CDC42BPA: variants seen among roughly 807,000 people sequenced by gnomAD.
CDC42BPA encodes serine/threonine-protein kinase MRCK alpha.
In CDC42BPA, 80 loss-of-function variants were observed where a neutral mutation model predicts 223.5. That is an observed-to-expected ratio of 0.36 (90% CI 0.30 to 0.43). The LOEUF is 0.43. Ranked by LOEUF, CDC42BPA falls within the 20% of genes least tolerant of loss-of-function variation. The pLI is 1.00. For synonymous variants in CDC42BPA, 694 were observed against 718.6 expected (o/e 0.97, Z 0.55); for missense variants, 1,743 against 2,099.9 (o/e 0.83, Z 3.32).
At chr1:227,262,055 A>AC (rs1455741443) in intron 1 of CDC42BPA, among the ~76,000 whole-genome samples, 1 of 152,124 alleles carries the variant, frequency 6.6e-6, no homozygotes, top group African/African-American at 2.4e-5. Context: ...TTGAAAAAAA[A>AC]TTAAACTAAA....
chr1:227,210,043 T>C (rs1008936924), intron 3 of CDC42BPA, among the ~76,000 whole-genome samples: 12 of 151,988 alleles, frequency 7.9e-5, no homozygotes, highest in African/African-American at 2.9e-4. Context: ...GCTCCTGTTA[T>C]TGGTCTATTC....
Position 227,268,677 on chromosome 1 carries a change from T to C in CDC42BPA, c.179-14522A>G, listed in dbSNP as rs559788263. Among the ~76,000 whole-genome samples, 854 of 144,336 alleles carry C rather than the reference T, an allele frequency of 5.9e-3. 11 individuals are homozygous for C. The highest frequency in any genetic ancestry group is 0.021 in the African/African-American group (802 of 38,248). The allele number at this position is 144,336 out of a possible 152,430, so 94.7% of individuals were successfully genotyped here. On this transcript the variant is annotated intron_variant, in intron 1 of 36. Transcript: ENST00000366766. ...GTATATATATATATACATATATATA[T>C]ATACACACACACACTTTTTTTTTTT...
chr1:227,181,010 G>C (rs1024170830), intron 5 of CDC42BPA, among the ~76,000 whole-genome samples: 23 of 151,356 alleles, frequency 1.5e-4, no homozygotes, highest in African/African-American at 5.6e-4. Context: ...ATGCTGTTAA[G>C]TCATTAGAAA....
chr1:227,223,419 A>G (rs777393822), intron 2 of CDC42BPA, among the ~76,000 whole-genome samples: 12 of 152,228 alleles, frequency 7.9e-5, no homozygotes, highest in Admixed American at 2.6e-4. Flanking sequence ...AAAAATACAG[A>G]TAACAGGGGA....
At chr1:227,133,708 G>T (rs4279825) in intron 10 of CDC42BPA, among the ~76,000 whole-genome samples, 1 of 151,666 alleles carries the variant, frequency 6.6e-6, no homozygotes, top group African/African-American at 2.4e-5. Flanking sequence ...TCCACTCAGG[G>T]TTAAATGGAT....
At chr1:227,047,809 A>G (rs114098136) in intron 23 of CDC42BPA, 118 bp downstream of exon 23, 37,944 of 605,136 alleles carry the variant, frequency 0.063, 1,355 homozygotes, top group Non-Finnish European at 0.071. Context: ...AATTTATTTT[A>G]TAAGTTTTTC....
chr1:227,192,434 GT>G (rs1233225252), intron 5 of CDC42BPA, among the ~76,000 whole-genome samples: 3 of 152,140 alleles, frequency 2.0e-5, no homozygotes, highest in Admixed American at 1.3e-4. Flanking sequence ...AACAATCTGG[GT>G]TTCAACCACC....
At chr1:227,296,238 G>A (rs1166481273) in intron 1 of CDC42BPA, among the ~76,000 whole-genome samples, 3 of 152,246 alleles carry the variant, frequency 2.0e-5, no homozygotes, top group South Asian at 2.1e-4. Context: ...CTTCCACAAC[G>A]ATGCTGAGTC....
At chr1:227,270,307 CAATT>C (rs1192136016) in intron 1 of CDC42BPA, among the ~76,000 whole-genome samples, 1 of 152,044 alleles carries the variant, frequency 6.6e-6, no homozygotes, top group Non-Finnish European at 1.5e-5. Flanking sequence ...ACATGTCAAA[CAATT>C]AAGCAAAGAA....
intron 1 of CDC42BPA, among the ~76,000 whole-genome samples, chr1:227,270,151 A>G (rs60906739): frequency 0.03 from 4,572 of 152,316 alleles, 205 homozygotes; most frequent in African/African-American, 0.1. Flanking sequence ...AATTAATAGA[A>G]ACATCTCTAA....
chr1:227,270,550 A>C (rs1685787299), intron 1 of CDC42BPA, among the ~76,000 whole-genome samples: 1 of 152,246 alleles, frequency 6.6e-6, no homozygotes, highest in African/African-American at 2.4e-5. Flanking sequence ...AACCTAGGTC[A>C]TGAGTTGTTT....
chr1:227,090,067 A>C (rs1488006398), intron 16 of CDC42BPA, among the ~76,000 whole-genome samples: 1 of 152,192 alleles, frequency 6.6e-6, no homozygotes, highest in African/African-American at 2.4e-5. Flanking sequence ...ATTTCAATGG[A>C]AATAACTGTT....
At chr1:227,242,709 AAAG>A (rs1680227603) in intron 2 of CDC42BPA, among the ~76,000 whole-genome samples, 1 of 152,196 alleles carries the variant, frequency 6.6e-6, no homozygotes, top group South Asian at 2.1e-4. Context: ...CAGATAAAAA[AAAG>A]AAATCAGACC....
chr1:227,110,925 A>C (rs1572871340), intron 14 of CDC42BPA, among the ~76,000 whole-genome samples: 1 of 152,236 alleles, frequency 6.6e-6, no homozygotes, highest in South Asian at 2.1e-4. Context: ...GACCAATTCT[A>C]CCACATGATT....
At chr1:227,307,904 G>A (rs1692833159) in intron 1 of CDC42BPA, among the ~76,000 whole-genome samples, 1 of 152,166 alleles carries the variant, frequency 6.6e-6, no homozygotes, top group African/African-American at 2.4e-5. Context: ...AAAATAAAAT[G>A]TAATTAGTCA....
At chr1:227,023,002 C>T (rs893266777) in intron 32 of CDC42BPA, among the ~76,000 whole-genome samples, 6 of 152,204 alleles carry the variant, frequency 3.9e-5, no homozygotes, top group African/African-American at 1.4e-4. Flanking sequence ...ACTTTCTCTA[C>T]TTACTCAGGT....
chr1:227,016,310 TAAG>T, intron 33 of CDC42BPA, 113 bp from the exon 34 acceptor site: 1 of 696,298 alleles, frequency 1.4e-6, no homozygotes, highest in Non-Finnish European at 2.6e-6. Context: ...ATCACATTAA[TAAG>T]AATATAGAGT....
intron 1 of CDC42BPA, chr1:227,265,023 C>A: frequency 1.2e-6 from 1 of 800,520 alleles, no homozygotes; most frequent in Non-Finnish European, 2.3e-6. Context: ...TTTCTGTCAT[C>A]ACACTGAGGA....
intron 11 of CDC42BPA, among the ~76,000 whole-genome samples, chr1:227,128,365 G>C (rs1443903233): frequency 6.6e-6 from 1 of 152,126 alleles, no homozygotes; most frequent in Admixed American, 6.5e-5. Flanking sequence ...TTGCACATCT[G>C]ACTAATTCTC....
Sources: allele counts gnomAD v4.1 joint callset (sites outside exome capture counted in the v4.1 genomes callset), GRCh38; gene constraint gnomAD v4.1.1; transcripts MANE v1.5; gene names NCBI Gene and HGNC (gene_info 2026-07-23, HGNC 2026-07-21).